The following C9orf85 variants were observed in gnomAD, a reference collection of about 807,000 sequenced individuals.
C9orf85 encodes the protein chromosome 9 open reading frame 85, also known as uncharacterized protein C9orf85.
C9orf85 carries 16 observed loss-of-function variants against 14.9 expected under a neutral mutation model. That is an observed-to-expected ratio of 1.08 (90% CI 0.73 to 1.63). The LOEUF is 1.63. C9orf85 is among the 40% of genes most tolerant of loss of function. The pLI is 0.00. For missense variants in C9orf85, 172 were observed against 186.1 expected, an observed-to-expected ratio of 0.92 and a Z score of 0.44; for synonymous variants, 45 against 56.8, an observed-to-expected ratio of 0.79 and a Z score of 0.93.
intron 2 of C9orf85, among the ~76,000 whole-genome samples, chr9:71,952,757 T>A (rs888149373): frequency 6.6e-6 from 1 of 152,132 alleles, no homozygotes; most frequent in South Asian, 2.1e-4. Context: ...CCTAGAAACC[T>A]TTTTTGACTT....
intron 2 of C9orf85, among the ~76,000 whole-genome samples, chr9:71,968,863 A>G (rs1457725885): frequency 6.6e-6 from 1 of 152,176 alleles, no homozygotes; most frequent in Admixed American, 6.5e-5. Context: ...AATCTAAGCT[A>G]ATTCCAACTG....
intron 1 of C9orf85, among the ~76,000 whole-genome samples, chr9:71,932,776 C>T (rs1282863698): frequency 2.6e-5 from 4 of 151,932 alleles, no homozygotes; most frequent in Non-Finnish European, 5.9e-5. Context: ...AGTAAATCAA[C>T]AGAAACTGCC....
At chr9:71,972,255 C>T (rs1005308710) in intron 3 of C9orf85, among the ~76,000 whole-genome samples, 5 of 151,800 alleles carry the variant, frequency 3.3e-5, no homozygotes, top group African/African-American at 4.8e-5. Flanking sequence ...CTCAAGTTAG[C>T]GTTCAATGAT....
intron 1 of C9orf85, among the ~76,000 whole-genome samples, chr9:71,945,014 A>G (rs529279166): frequency 6.6e-6 from 1 of 152,292 alleles, no homozygotes; most frequent in Admixed American, 6.5e-5. Context: ...CTGGTCAGAA[A>G]TTGGATACAG....
intron 1 of C9orf85, among the ~76,000 whole-genome samples, chr9:71,914,380 T>G (rs933874190): frequency 2.0e-5 from 3 of 152,158 alleles, no homozygotes; most frequent in Non-Finnish European, 4.4e-5. Context: ...GTATTTTATG[T>G]GTGGCCCAAG....
intron 1 of C9orf85, among the ~76,000 whole-genome samples, chr9:71,919,918 C>T (rs953016721): frequency 3.6e-4 from 55 of 150,908 alleles, no homozygotes; most frequent in African/African-American, 9.8e-4. Context: ...GGTGCAATCT[C>T]GGCTCACTGC....
chr9:71,928,948 T>C (rs1298641609), intron 1 of C9orf85, among the ~76,000 whole-genome samples: 1 of 152,194 alleles, frequency 6.6e-6, no homozygotes, highest in Non-Finnish European at 1.5e-5. Flanking sequence ...GCAGGTCACA[T>C]GTGAATACTG....
downstream of C9orf85, among the ~76,000 whole-genome samples, chr9:71,975,841 T>G (rs530263659): frequency 2.6e-5 from 4 of 152,300 alleles, no homozygotes; most frequent in East Asian, 1.9e-4. Context: ...TCAAAAGAAA[T>G]AAATTTTCTG....
At chr9:71,935,995 TA>T (rs1306775597) in intron 1 of C9orf85, among the ~76,000 whole-genome samples, 1 of 152,018 alleles carries the variant, frequency 6.6e-6, no homozygotes, top group East Asian at 2.0e-4. Flanking sequence ...GCCACTTCAG[TA>T]ATACAGATTA....
At chr9:71,951,673 A>G (rs1040837678) in intron 2 of C9orf85, among the ~76,000 whole-genome samples, 1 of 152,188 alleles carries the variant, frequency 6.6e-6, no homozygotes, top group Non-Finnish European at 1.5e-5. Context: ...GGGTTCAGGA[A>G]AAGTCTAAAT....
At chr9:71,938,940 T>G (rs1374690285) in intron 1 of C9orf85, among the ~76,000 whole-genome samples, 1 of 151,686 alleles carries the variant, frequency 6.6e-6, no homozygotes, top group African/African-American at 2.4e-5. Context: ...GTATATATAT[T>G]AATATGGAAA....
chr9:71,949,074 A>G (rs1822177575), intron 2 of C9orf85, among the ~76,000 whole-genome samples: 1 of 152,222 alleles, frequency 6.6e-6, no homozygotes, highest in South Asian at 2.1e-4. Flanking sequence ...AATAGGCCTC[A>G]TACAAGATTT....
At chr9:71,928,053 A>C (rs1162055375) in intron 1 of C9orf85, among the ~76,000 whole-genome samples, 2 of 152,016 alleles carry the variant, frequency 1.3e-5, no homozygotes, top group African/African-American at 4.8e-5. Flanking sequence ...AGAGCATGGT[A>C]GCACATTCCT....
intron 1 of C9orf85, among the ~76,000 whole-genome samples, chr9:71,929,462 A>G (rs1828018314): frequency 6.6e-6 from 1 of 152,200 alleles, no homozygotes; most frequent in African/African-American, 2.4e-5. Context: ...GTTGAATTGT[A>G]CATAGGTTGG....
At chr9:71,930,274 C>T (rs773000814) in intron 1 of C9orf85, among the ~76,000 whole-genome samples, 6 of 151,978 alleles carry the variant, frequency 3.9e-5, no homozygotes, top group Non-Finnish European at 8.8e-5. Flanking sequence ...GAAACATAAA[C>T]AACCAAGCAG....
At chr9:71,975,881 G>A (rs1035261610), downstream of C9orf85, among the ~76,000 whole-genome samples, 53 of 152,016 alleles carry the variant, frequency 3.5e-4, no homozygotes, top group African/African-American at 1.2e-3. Flanking sequence ...TTCCTTTTTT[G>A]CATATAAACT....
chr9:71,971,396 A>G, intron 2 of C9orf85, 109 bp from the exon 3 acceptor site: 2 of 524,310 alleles, frequency 3.8e-6, no homozygotes, highest in Non-Finnish European at 6.2e-6. Flanking sequence ...ATTGAAACCT[A>G]GGAATTTTGA....
intron 2 of C9orf85, among the ~76,000 whole-genome samples, chr9:71,969,218 G>A (rs2132355656): frequency 6.6e-6 from 1 of 152,102 alleles, no homozygotes; most frequent in Middle Eastern, 3.2e-3. Context: ...GCGCAATCTT[G>A]GCTCACTGCA....
intron 1 of C9orf85, among the ~76,000 whole-genome samples, chr9:71,919,089 G>T (rs1054953535): frequency 2.0e-5 from 3 of 152,150 alleles, no homozygotes; most frequent in East Asian, 1.9e-4. Flanking sequence ...TTCAGATAAA[G>T]TTGTAATCCT....
Sources: gnomAD v4.1 joint callset for allele counts (sites outside exome capture counted in the v4.1 genomes callset) on GRCh38, gnomAD v4.1.1 for gene constraint, MANE v1.5 for transcripts, NCBI Gene and HGNC (gene_info 2026-07-23, HGNC 2026-07-21) for gene names.